ABCC11: variants seen among roughly 807,000 people sequenced by gnomAD.
The protein encoded by ABCC11 is ATP binding cassette subfamily C member 11.
ABCC11 carries 135 observed loss-of-function variants against 149.3 expected under a neutral mutation model. The observed-to-expected ratio is 0.90, with a 90% CI of 0.79 to 1.04. ABCC11 has a LOEUF of 1.04. Ranked by LOEUF, ABCC11 falls within the 50% of genes least tolerant of loss-of-function variation. The pLI is 0.00. For synonymous variants in ABCC11, 665 were observed against 671.4 expected, an observed-to-expected ratio of 0.99 and a Z score of 0.15; for missense variants, 1,680 against 1,722.1, an observed-to-expected ratio of 0.98 and a Z score of 0.43.
intron 12 of ABCC11, among the ~76,000 whole-genome samples, 188 bp downstream of exon 12, chr16:48,208,237 G>A (rs888155631): frequency 6.6e-6 from 1 of 152,214 alleles, no homozygotes; most frequent in Non-Finnish European, 1.5e-5. Context: ...ACAAGGTGAA[G>A]AGAGAGGGCC....
At chr16:48,227,659 C>G in intron 4 of ABCC11, 147 bp downstream of exon 4, 2 of 970,706 alleles carry the variant, frequency 2.1e-6, no homozygotes, top group Non-Finnish European at 3.2e-6. Flanking sequence ...ACGTTAAAAA[C>G]CCTCACCTAG....
intron 26 of ABCC11, among the ~76,000 whole-genome samples, chr16:48,173,941 T>C (rs139356372): frequency 2.0e-4 from 30 of 152,292 alleles, no homozygotes; most frequent in African/African-American, 7.0e-4. Context: ...CCCAGTCATT[T>C]TGAAACCCTG....
In ABCC11 at chr16:48,236,820, T is replaced by G. The variant is rs74016322; in HGVS notation, c.-18-4881A>C. Among the ~76,000 whole-genome samples, 842 of 152,316 alleles carry G rather than the reference T, an allele frequency of 5.5e-3. 6 individuals are homozygous for G. Among genetic ancestry groups the G allele is most frequent in the African/African-American group, 0.019 (791 of 41,566 alleles). ...CACCACATCTTCTATAGAGCAGCAT[T>G]AATTTGTGTTTTAAAAACTAAATCC... On this transcript the variant is annotated intron_variant, in intron 1 of 29. Transcript: ENST00000356608.
At chr16:48,222,526 G>T (rs903709122) in intron 6 of ABCC11, 72 bp downstream of exon 6, 49 of 1,312,170 alleles carry the variant, frequency 3.7e-5, no homozygotes, top group Non-Finnish European at 5.1e-5. Context: ...CCCTCTCTTG[G>T]CCCCCAGGGC....
chr16:48,220,098 T>C (rs538571481), intron 6 of ABCC11, among the ~76,000 whole-genome samples: 10 of 152,224 alleles, frequency 6.6e-5, no homozygotes, highest in African/African-American at 2.4e-4. Context: ...GTTTTATGCT[T>C]CTATGAAGAT....
At position 48,216,215 on chromosome 16, in the gene ABCC11, T is replaced by C; in HGVS notation, c.850A>G (p.Thr284Ala). ...CTGCAGATGACCAGCGATGCGCAGG[T>C]GATCAGTACTAGGGGTCCATAGCAC... is the stretch of plus-strand genomic sequence containing the variant. Reference protein sequence around the residue: ...GVCYGPLVLITCASLVICSIS... With the variant: ...GVCYGPLVLIACASLVICSIS... Residue 284 changes from threonine to alanine, a missense_variant, in exon 7 of 30, where the codon ACC becomes GCC. Thr to Ala is a moderately conservative substitution (Grantham distance 58). Coordinates refer to ENST00000356608, the MANE Select transcript of ABCC11 (RefSeq NM_001370497.1). 6.2e-7 allele frequency: 1 copy of C among 1,614,126 alleles called. No homozygotes were observed. Among genetic ancestry groups the C allele is most frequent in the Non-Finnish European group, 8.5e-7 (1 of 1,180,004 alleles).
At chr16:48,205,627 G>A in intron 12 of ABCC11, 90 bp from the exon 13 acceptor site, 5 of 1,524,324 alleles carry the variant, frequency 3.3e-6, no homozygotes, top group Non-Finnish European at 4.4e-6. Flanking sequence ...GGGCCCCACT[G>A]CCCTCCAGGA....
chr16:48,186,849 C>T, intron 22 of ABCC11, 104 bp downstream of exon 22: 1 of 1,420,888 alleles, frequency 7.0e-7, no homozygotes, highest in Non-Finnish European at 9.6e-7. Context: ...AATGTGCTCT[C>T]TGATGCTTTT....
At chr16:48,172,476 G>A (rs574697295) in intron 26 of ABCC11, among the ~76,000 whole-genome samples, 146 of 148,660 alleles carry the variant, frequency 9.8e-4, no homozygotes, top group Non-Finnish European at 1.9e-3. Context: ...CTACGAGGCT[G>A]GAGTGCAGTG....
chr16:48,171,244 G>C (rs543320414), intron 26 of ABCC11, among the ~76,000 whole-genome samples: 1 of 152,206 alleles, frequency 6.6e-6, no homozygotes, highest in Non-Finnish European at 1.5e-5. Flanking sequence ...GGAGCAAAGG[G>C]CTCAAGGATA....
intron 6 of ABCC11, among the ~76,000 whole-genome samples, chr16:48,222,337 A>G (rs1263548782): frequency 6.6e-6 from 1 of 152,136 alleles, no homozygotes; most frequent in Non-Finnish European, 1.5e-5. Flanking sequence ...TGGGCCTCCC[A>G]AAGTTCCTAC....
At position 48,187,007 on chromosome 16, in the gene ABCC11, A is replaced by G. The variant is rs200790855; in HGVS notation, c.3017T>C (p.Leu1006Pro). The G allele has an allele frequency of 1.2e-6, 2 of 1,614,156 alleles. No individual in the cohort carries two copies. Among genetic ancestry groups the G allele is most frequent in the African/African-American group, 2.7e-5 (2 of 75,042 alleles). The change falls in exon 22 of 30, where the codon CTG becomes CCG. Residue 1006 changes from leucine to proline, a missense_variant. Leu to Pro is a moderately conservative substitution (Grantham distance 98, BLOSUM62 -3). Transcript: ENST00000356608. The part of the protein sequence containing the change: ...SPLFSHILNS[L>P]QGLSSIHVYG... ...GACATGGATGGAGCTCAGGCCTTGC[A>G]GAGAATTGAGGATGTGGGAGAATAA...
intron 5 of ABCC11, among the ~76,000 whole-genome samples, chr16:48,223,404 A>C (rs183471236): frequency 2.4e-4 from 36 of 152,300 alleles, no homozygotes; most frequent in Admixed American, 6.5e-4. Context: ...ACCAGAAGCC[A>C]GAGGGCAGTG....
At chr16:48,215,365 G>A (rs757113623) in intron 7 of ABCC11, 21 bp from the exon 8 acceptor site, 1 of 1,606,330 alleles carries the variant, frequency 6.2e-7, no homozygotes, top group Non-Finnish European at 8.5e-7. Context: ...GATACAGCAA[G>A]TTTGGAGTTG....
intron 26 of ABCC11, among the ~76,000 whole-genome samples, chr16:48,172,761 T>A (rs551657042): frequency 8.5e-5 from 13 of 152,330 alleles, no homozygotes; most frequent in Admixed American, 3.9e-4. Context: ...AGGTGTGAAG[T>A]GGTAGCTCAT....
chr16:48,216,269 C>T lies in ABCC11; in HGVS notation c.796G>A (p.Gly266Ser), dbSNP rs778181252. Residue 266 changes from glycine (G) to serine (S), a missense_variant, in exon 7 of 30, where the codon GGT becomes AGT. Coordinates refer to ENST00000356608, the MANE Select transcript of ABCC11 (RefSeq NM_001370497.1). Reference sequence around the variant, plus strand: ...CCTTCAAACAGGTAGTTTACATCACCGGTGAAGAAGCTGATGGCCTGCAAG... The same window carrying T: ...CCTTCAAACAGGTAGTTTACATCACTGGTGAAGAAGCTGATGGCCTGCAAG... ...TSGEAISFFTGDVNYLFEGVC... is the reference protein window; with the variant it reads ...TSGEAISFFTSDVNYLFEGVC... The T allele has an allele frequency of 1.9e-5, 30 of 1,613,148 alleles. No individual in the cohort carries two copies. The highest frequency in any genetic ancestry group is 3.3e-5 in the South Asian group (3 of 90,986).
intron 15 of ABCC11, among the ~76,000 whole-genome samples, chr16:48,198,756 A>G (rs1422062282): frequency 6.6e-6 from 1 of 152,054 alleles, no homozygotes; most frequent in Non-Finnish European, 1.5e-5. Context: ...TAAAGTTATA[A>G]GGCTGGGTGC....
intron 23 of ABCC11, among the ~76,000 whole-genome samples, chr16:48,179,639 G>A (rs1966302825): frequency 6.6e-6 from 1 of 152,206 alleles, no homozygotes; most frequent in African/African-American, 2.4e-5. Flanking sequence ...GGATGGAAAG[G>A]CAGACAAGGC....
intron 1 of ABCC11, among the ~76,000 whole-genome samples, 159 bp downstream of exon 1, chr16:48,247,155 A>G (rs182901403): frequency 2.4e-3 from 362 of 152,086 alleles, no homozygotes; most frequent in African/African-American, 8.4e-3. Context: ...ATTGTACCAT[A>G]TTCCTTGGTA....
Sources: gnomAD v4.1 joint callset for allele counts (sites outside exome capture counted in the v4.1 genomes callset) on GRCh38, gnomAD v4.1.1 for gene constraint, MANE v1.5 for transcripts, NCBI Gene and HGNC (gene_info 2026-07-23, HGNC 2026-07-21) for gene names.